Variants in KCNIP1 observed in about 807,000 individuals in gnomAD.
KCNIP1 encodes the protein A-type potassium channel modulatory protein KCNIP1.
Under a neutral mutation model 33.0 loss-of-function variants are expected in KCNIP1, and 18 were observed. That is an observed-to-expected ratio of 0.55 (90% confidence interval 0.38 to 0.81). The LOEUF is 0.81. Among genes scored for constraint, KCNIP1 ranks in the 30% least tolerant of loss-of-function variants. The pLI, the probability that KCNIP1 is intolerant of heterozygous loss-of-function variation, is 0.00. For synonymous variants in KCNIP1, 93 were observed against 98.3 expected (o/e 0.95, Z 0.32); for missense variants, 238 against 271.6 (o/e 0.88, Z 0.87).
At chr5:170,482,054 TG>T (rs1303562419) in intron 1 of KCNIP1, among the ~76,000 whole-genome samples, 1 of 152,234 alleles carries the variant, frequency 6.6e-6, no homozygotes, top group Admixed American at 6.5e-5. Context: ...ATGTTGGCTG[TG>T]GTTACGGGAT....
At chr5:170,635,358 A>C (rs1729870298) in intron 1 of KCNIP1, among the ~76,000 whole-genome samples, 1 of 152,190 alleles carries the variant, frequency 6.6e-6, no homozygotes. Flanking sequence ...AGATGTTCTA[A>C]GAGTCTCTTT....
intron 1 of KCNIP1, among the ~76,000 whole-genome samples, chr5:170,676,054 GAGGGAGGAAGATGAAAGAAGGA>G (rs879794889): frequency 0.012 from 1,453 of 122,996 alleles, 36 homozygotes; most frequent in African/African-American, 0.036. Context: ...GAGCAGAAAG[GAGGGAGGAAGATGAAAGAAGGA>G]AGGGAGGAAG....
intron 1 of KCNIP1, among the ~76,000 whole-genome samples, chr5:170,709,972 AT>A (rs1163805010): frequency 1.3e-5 from 2 of 152,024 alleles, no homozygotes; most frequent in Non-Finnish European, 2.9e-5. Context: ...GGCTCAAGTG[AT>A]TCTCCTGCCT....
intron 1 of KCNIP1, among the ~76,000 whole-genome samples, chr5:170,397,125 G>T (rs1227674777): frequency 1.1e-4 from 17 of 152,150 alleles, no homozygotes; most frequent in African/African-American, 4.1e-4. Context: ...AAGGGAGGAA[G>T]GTATTTTATT....
chr5:170,444,698 T>TAA (rs1311169661), intron 1 of KCNIP1, among the ~76,000 whole-genome samples: 12 of 142,150 alleles, frequency 8.4e-5, no homozygotes, highest in Non-Finnish European at 1.6e-5. Context: ...TTTTCTTTTT[T>TAA]TAAAAAAAAA....
In KCNIP1 at chr5:170,437,203, G is replaced by T. The variant is rs564119821; in HGVS notation, c.88+83239G>T. Among the ~76,000 whole-genome samples the T allele has an allele frequency of 3.3e-5, 5 of 152,222 alleles. No homozygotes were observed. The South Asian group carries it at 1.0e-3, about 32-fold the overall frequency. On this transcript the variant is annotated intron_variant, in intron 1 of 7. Coordinates refer to the KCNIP1 transcript ENST00000377360. The stretch of plus-strand genomic sequence containing the variant: ...ATAGAGAAGGACTTTCCTTCCCTGT[G>T]GGTCTAGGGAAGGCACCTCTTAAAT...
chr5:170,391,403 G>T (rs904683516), intron 1 of KCNIP1, among the ~76,000 whole-genome samples: 1 of 152,188 alleles, frequency 6.6e-6, no homozygotes, highest in African/African-American at 2.4e-5. Flanking sequence ...GGGCCGTGGG[G>T]TCTTCTGCTC....
chr5:170,378,432 G>T, intron 1 of KCNIP1: 1 of 414,298 alleles, frequency 2.4e-6, no homozygotes, highest in Non-Finnish European at 4.3e-6. Context: ...AAACAGGTAT[G>T]AGTCAGTTGA....
At chr5:170,427,628 G>A (rs1316979733) in intron 1 of KCNIP1, among the ~76,000 whole-genome samples, 1 of 152,216 alleles carries the variant, frequency 6.6e-6, no homozygotes, top group East Asian at 1.9e-4. Context: ...GACGTGACCA[G>A]TCTCCACTGG....
In KCNIP1 at chr5:170,561,106, T is replaced by G. The variant is rs1258583314; in HGVS notation, c.61+56473T>G. 5 of 456,090 alleles carry G rather than the reference T, an allele frequency of 1.1e-5. No homozygotes were observed. The Admixed American group carries it at 1.2e-4, about 11-fold the overall frequency. 28.3% of individuals were successfully genotyped at this position (456,090 alleles called of 1,614,324 possible). A position where few individuals can be genotyped will look rare whatever the true frequency, so the allele number is the denominator to read the frequency against. Reference sequence around the variant, plus strand: ...TTGTTTCCACTTACCAAAGGGCATCTGTAATTAATGTGGGCAGTGATAAAG... The same window carrying G: ...TTGTTTCCACTTACCAAAGGGCATCGGTAATTAATGTGGGCAGTGATAAAG... On this transcript the variant is annotated intron_variant, in intron 1 of 7. Transcript: ENST00000328939.
rs1340814182 is a variant in KCNIP1, at chr5:170,726,137, A to G, written c.435+3317A>G. Reference sequence around the variant, plus strand: ...ATCAAAGTTAAAAATTTTGTGCTTTAGAAGACACCTTTAAGAAAATGGAAA... The same window carrying G: ...ATCAAAGTTAAAAATTTTGTGCTTTGGAAGACACCTTTAAGAAAATGGAAA... On this transcript the variant is annotated intron_variant, in intron 5 of 7. Coordinates refer to ENST00000328939, the MANE Select transcript of KCNIP1 (RefSeq NM_014592.4). Among the ~76,000 whole-genome samples the G allele has an allele frequency of 3.9e-5, 6 of 152,330 alleles. No individual in the cohort carries two copies. In the South Asian group the frequency reaches 1.2e-3, roughly 32 times the overall value.
chr5:170,441,367 CCT>C (rs1484760673), intron 1 of KCNIP1, among the ~76,000 whole-genome samples: 2 of 152,140 alleles, frequency 1.3e-5, no homozygotes, highest in African/African-American at 4.8e-5. Flanking sequence ...AAACGAGACC[CCT>C]GAGGGCACAG....
At chr5:170,694,319 A>G (rs1340527408) in intron 1 of KCNIP1, among the ~76,000 whole-genome samples, 1 of 152,228 alleles carries the variant, frequency 6.6e-6, no homozygotes, top group African/African-American at 2.4e-5. Flanking sequence ...TGAACCACAG[A>G]TGGTTCATTT....
chr5:170,635,738 G>A (rs994114840), intron 1 of KCNIP1, among the ~76,000 whole-genome samples: 2 of 152,214 alleles, frequency 1.3e-5, no homozygotes, highest in Non-Finnish European at 2.9e-5. Flanking sequence ...TTTTTATTCT[G>A]AAAGGAAATT....
At chr5:170,428,385 T>C (rs1345211025) in intron 1 of KCNIP1, among the ~76,000 whole-genome samples, 1 of 151,726 alleles carries the variant, frequency 6.6e-6, no homozygotes, top group African/African-American at 2.4e-5. Context: ...TACACATTAC[T>C]CACCCATGCT....
intron 1 of KCNIP1, among the ~76,000 whole-genome samples, chr5:170,546,810 C>T (rs1207762792): frequency 1.3e-5 from 2 of 152,054 alleles, no homozygotes; most frequent in Admixed American, 1.3e-4. Context: ...TTAATATATA[C>T]AGCAATATTT....
At chr5:170,420,425 C>T (rs1469568044) in intron 1 of KCNIP1, 1 of 151,640 alleles carries the variant, frequency 6.6e-6, no homozygotes, top group East Asian at 1.9e-4. Flanking sequence ...CCCAGCTACT[C>T]AGGAAGCTGA....
chr5:170,543,650 C>T (rs1467666472), intron 1 of KCNIP1, among the ~76,000 whole-genome samples: 1 of 152,182 alleles, frequency 6.6e-6, no homozygotes, highest in Non-Finnish European at 1.5e-5. Flanking sequence ...TCCATTTTCC[C>T]ATAGGCCTCT....
intron 1 of KCNIP1, among the ~76,000 whole-genome samples, chr5:170,713,456 G>C (rs936533308): frequency 6.6e-6 from 1 of 152,130 alleles, no homozygotes; most frequent in Non-Finnish European, 1.5e-5. Context: ...GTGAGCCAGG[G>C]GTGAACAACA....
Sources: gnomAD v4.1 joint callset for allele counts (sites outside exome capture counted in the v4.1 genomes callset) on GRCh38, gnomAD v4.1.1 for gene constraint, MANE v1.5 for transcripts, NCBI Gene and HGNC (gene_info 2026-07-23, HGNC 2026-07-21) for gene names.